The following RNASEH2B variants were observed in gnomAD, a reference collection of about 807,000 sequenced individuals.
RNASEH2B encodes the protein Aicardi-Goutieres syndrome 2 protein.
A neutral mutation model predicts 45.0 loss-of-function variants in RNASEH2B; 36 were observed. The ratio of observed to expected loss-of-function variants is 0.80; its 90% CI spans 0.61 to 1.06. The LOEUF (loss-of-function observed/expected upper bound fraction) is 1.06. RNASEH2B is among the 50% of genes least tolerant of loss of function. The pLI, the probability that RNASEH2B is intolerant of heterozygous loss-of-function variation, is 0.00. For missense variants in RNASEH2B, 361 were observed against 360.3 expected (o/e 1.00, Z -0.02); for synonymous variants, 119 against 125.7 (o/e 0.95, Z 0.35).
At chr13:50,955,408 C>T (rs1952032214) in intron 10 of RNASEH2B, 1 of 152,064 alleles carries the variant, frequency 6.6e-6, no homozygotes, top group East Asian at 1.9e-4. Context: ...ATCTTTGTGC[C>T]CCGCCCTTCT....
At chr13:50,918,997 T>C (rs1461095516) in intron 1 of RNASEH2B, among the ~76,000 whole-genome samples, 2 of 152,228 alleles carry the variant, frequency 1.3e-5, no homozygotes, top group Non-Finnish European at 2.9e-5. Flanking sequence ...ATGTCTGTAC[T>C]TTCTCCTCCA....
At chr13:50,926,835 TA>T (rs3042189) in intron 1 of RNASEH2B, among the ~76,000 whole-genome samples, 2 of 148,932 alleles carry the variant, frequency 1.3e-5, no homozygotes, top group Admixed American at 6.6e-5. Context: ...CACAAAGTAG[TA>T]AAAAAAAAGC....
chr13:50,970,077 T>G (rs542131533), exon 10 of RNASEH2B: 2 of 1,011,496 alleles, frequency 2.0e-6, no homozygotes, highest in South Asian at 2.8e-5. Flanking sequence ...TGCCAAAAGG[T>G]GCATTTTAAA....
In RNASEH2B at chr13:50,956,469, G is replaced by T. The variant is rs1333791528; in HGVS notation, c.934G>T (p.Val312Phe). The T allele has an allele frequency of 3.1e-6, 5 of 1,595,320 alleles. No homozygotes were observed. The highest frequency in any genetic ancestry group is 1.7e-4 in the Middle Eastern group (1 of 5,992). ...AAAAAATAAAAAAAAAATTGGAAAG[G>T]TTTGAAACTTTGAAAATAAAATCTA... ...GVKNKKKIGKV is the reference protein window; with the variant it reads ...GVKNKKKIGKF Residue 312 changes from valine (V) to phenylalanine (F), a missense_variant, in exon 11 of 11, where the codon GTT (valine) becomes TTT (phenylalanine). By Grantham distance (50) the Val-to-Phe change is conservative. Coordinates refer to ENST00000336617, the MANE Select transcript of RNASEH2B (RefSeq NM_024570.4).
At chr13:50,918,009 T>G (rs527979292) in intron 1 of RNASEH2B, among the ~76,000 whole-genome samples, 2 of 152,296 alleles carry the variant, frequency 1.3e-5, no homozygotes, top group East Asian at 3.9e-4. Flanking sequence ...AACCTGAATA[T>G]TTTTACTAGC....
chr13:50,918,901 T>G (rs1819454229), intron 1 of RNASEH2B, among the ~76,000 whole-genome samples: 1 of 152,194 alleles, frequency 6.6e-6, no homozygotes, highest in Non-Finnish European at 1.5e-5. Context: ...TAATCTCATC[T>G]CTCTTTTTCT....
rs1951858531 is a variant in RNASEH2B, at chr13:50,943,425, A to G, written c.510+31A>G. 8 of 1,484,058 alleles carry G rather than the reference A, an allele frequency of 5.4e-6. No homozygotes were observed. The East Asian group carries it at 1.8e-4, about 34-fold the overall frequency. The allele number at this position is 1,484,058 out of a possible 1,614,324, so 91.9% of individuals were successfully genotyped here. A position where few individuals can be genotyped will look rare whatever the true frequency, so the allele number is the denominator to read the frequency against. On this transcript the variant is annotated intron_variant, in intron 6 of 10. Transcript: ENST00000336617. ...GTTCCTCTCTAGTGCCTTGTGGTAA[A>G]AGTAAAAATTCAGTTCTCTAAGAAA...
intron 10 of RNASEH2B, 122 bp from the exon 11 acceptor site, chr13:50,956,236 T>G: frequency 2.6e-6 from 2 of 763,972 alleles, no homozygotes; most frequent in Admixed American, 2.4e-5. Context: ...TTATGAAGCA[T>G]GTTAGTGGGG....
At chr13:50,946,543 A>G (rs917389615) in intron 7 of RNASEH2B, among the ~76,000 whole-genome samples, 1 of 152,154 alleles carries the variant, frequency 6.6e-6, no homozygotes, top group Non-Finnish European at 1.5e-5. Flanking sequence ...TGATTAATGG[A>G]TAGATAGGTG....
At chr13:50,945,181 G>GT (rs1951884871) in intron 6 of RNASEH2B, among the ~76,000 whole-genome samples, 1 of 152,150 alleles carries the variant, frequency 6.6e-6, no homozygotes, top group South Asian at 2.1e-4. Flanking sequence ...ATCACAATAT[G>GT]TTGCCTTCTC....
chr13:50,925,946 T>A (rs1353082183), intron 1 of RNASEH2B, among the ~76,000 whole-genome samples: 1 of 152,198 alleles, frequency 6.6e-6, no homozygotes, highest in East Asian at 1.9e-4. Context: ...GGAAGCTCTT[T>A]TAAAGCAGTA....
intron 6 of RNASEH2B, among the ~76,000 whole-genome samples, chr13:50,944,990 C>G (rs1345349130): frequency 6.6e-6 from 1 of 152,050 alleles, no homozygotes; most frequent in Non-Finnish European, 1.5e-5. Context: ...AAATTTTGTG[C>G]CAGGTTCTAT....
chr13:50,940,141 A>C (rs1425194616), intron 5 of RNASEH2B, among the ~76,000 whole-genome samples: 3 of 152,216 alleles, frequency 2.0e-5, no homozygotes, highest in African/African-American at 7.2e-5. Context: ...AATGTTGAGC[A>C]AAAGAAATTG....
At position 50,949,407 on chromosome 13, in the gene RNASEH2B, CTGTT is replaced by C. The variant is rs1430122078; in HGVS notation, c.699-48_699-45del. On this transcript the variant is annotated intron_variant, in intron 8 of 10. Coordinates refer to ENST00000336617, the MANE Select transcript of RNASEH2B (RefSeq NM_024570.4). ...TAAGTCTTAAGTTGGCCCTGTCTTT[CTGTT>C]TGTTTGTCTATGAAAAACGATGACT... 99 of 1,541,600 alleles carry C rather than the reference CTGTT, an allele frequency of 6.4e-5. No individual in the cohort carries two copies. In the Middle Eastern group the frequency reaches 6.8e-4, roughly 11 times the overall value.
intron 6 of RNASEH2B, among the ~76,000 whole-genome samples, chr13:50,944,189 A>T (rs937889799): frequency 6.7e-6 from 1 of 149,076 alleles, no homozygotes; most frequent in Non-Finnish European, 1.5e-5. Context: ...GGGTTGTGAT[A>T]AAAAAAAAAC....
chr13:50,913,226 C>T (rs1166699453), intron 1 of RNASEH2B: 2 of 152,170 alleles, frequency 1.3e-5, no homozygotes, highest in East Asian at 1.9e-4. Flanking sequence ...CTATAAGAGG[C>T]CATTACTTTA....
intron 9 of RNASEH2B, chr13:50,950,357 T>C (rs1187974168): frequency 6.6e-6 from 1 of 152,182 alleles, no homozygotes; most frequent in Non-Finnish European, 1.5e-5. Context: ...TCATTCCCTG[T>C]ATAAAGGTGG....
At chr13:50,914,042 GATT>G (rs1291999658) in intron 1 of RNASEH2B, among the ~76,000 whole-genome samples, 2 of 65,636 alleles carry the variant, frequency 3.0e-5, no homozygotes, top group Non-Finnish European at 5.3e-5. Context: ...CAGTCTTGAA[GATT>G]TTTTTTTTTT....
At chr13:50,940,814 A>G (rs1374545871) in intron 5 of RNASEH2B, 1 of 152,294 alleles carries the variant, frequency 6.6e-6, no homozygotes, top group Non-Finnish European at 1.5e-5. Context: ...CATTAGAGAC[A>G]TAAAAAAATA....
Sources: gnomAD v4.1 joint callset for allele counts (sites outside exome capture counted in the v4.1 genomes callset) on GRCh38, gnomAD v4.1.1 for gene constraint, MANE v1.5 for transcripts, NCBI Gene and HGNC (gene_info 2026-07-23, HGNC 2026-07-21) for gene names.